The following ANKFN1 variants were observed in gnomAD, a reference collection of about 807,000 sequenced individuals.
ANKFN1 encodes ankyrin repeat and fibronectin type-III domain-containing protein 1.
ANKFN1 carries 74 observed loss-of-function variants against 108.7 expected under a neutral mutation model. That is an observed-to-expected ratio of 0.68 (90% CI 0.56 to 0.83). The LOEUF (loss-of-function observed/expected upper bound fraction) is 0.83. ANKFN1 is among the 40% of genes least tolerant of loss of function. The probability of loss-of-function intolerance (pLI) is 0.00; values close to 1 mark genes in which losing one functional copy is unlikely to be tolerated. For synonymous variants in ANKFN1, 547 were observed against 516.2 expected, an observed-to-expected ratio of 1.06 and a Z score of -0.81; for missense variants, 1,505 against 1,382.3, an observed-to-expected ratio of 1.09 and a Z score of -1.41.
intron 1 of ANKFN1, among the ~76,000 whole-genome samples, chr17:56,177,637 T>C (rs1409841862): frequency 1.3e-5 from 2 of 152,182 alleles, no homozygotes; most frequent in Admixed American, 6.5e-5. Flanking sequence ...AAATAAAAGA[T>C]CAATATAACA....
At chr17:56,373,174 G>A (rs2046856181) in intron 7 of ANKFN1, among the ~76,000 whole-genome samples, 1 of 152,202 alleles carries the variant, frequency 6.6e-6, no homozygotes, top group African/African-American at 2.4e-5. Flanking sequence ...TTTTGGGATA[G>A]GGAGGTGGAA....
intron 4 of ANKFN1, among the ~76,000 whole-genome samples, chr17:56,337,927 C>T (rs1227018480): frequency 6.6e-6 from 1 of 152,078 alleles, no homozygotes; most frequent in Non-Finnish European, 1.5e-5. Flanking sequence ...CTAGAAATAC[C>T]ATTTGACCCA....
intron 3 of ANKFN1, among the ~76,000 whole-genome samples, chr17:56,278,816 A>T (rs2044000137): frequency 6.6e-6 from 1 of 152,266 alleles, no homozygotes; most frequent in Admixed American, 6.5e-5. Context: ...CTGAACAAGT[A>T]CATTAGAATA....
intron 18 of ANKFN1, among the ~76,000 whole-genome samples, chr17:56,488,042 G>T (rs2050910316): frequency 1.3e-5 from 2 of 152,156 alleles, no homozygotes; most frequent in African/African-American, 4.8e-5. Context: ...CACTAAGAGG[G>T]TATGACTTTA....
At chr17:56,053,919 T>C (rs1431928396) in intron 4 of ANKFN1, among the ~76,000 whole-genome samples, 7 of 152,204 alleles carry the variant, frequency 4.6e-5, no homozygotes, top group African/African-American at 1.7e-4. Context: ...AGTTCTATAG[T>C]GGTGAATTCT....
At chr17:56,111,895 G>A (rs909500726) in intron 4 of ANKFN1, among the ~76,000 whole-genome samples, 5 of 152,174 alleles carry the variant, frequency 3.3e-5, no homozygotes, top group South Asian at 2.1e-4. Context: ...CTGTTCCAGC[G>A]GCACAGCCTG....
In ANKFN1 at chr17:56,447,016, A is replaced by G. The variant is rs939862643; in HGVS notation, c.1100-2063A>G. Among the ~76,000 whole-genome samples, 13 of 152,132 alleles carry G rather than the reference A, an allele frequency of 8.5e-5. No individual in the cohort carries two copies. In the South Asian group the frequency reaches 2.3e-3, roughly 27 times the overall value. ...GGCAGGTGGATCACTTGAGGCCAGA[A>G]GTTCGAGACCAGCCTGGCCAGCATG... On this transcript the variant is annotated intron_variant, in intron 10 of 20. Transcript: ENST00000682825.
At chr17:56,411,826 C>G (rs752323536) in intron 8 of ANKFN1, among the ~76,000 whole-genome samples, 3 of 152,096 alleles carry the variant, frequency 2.0e-5, no homozygotes, top group Non-Finnish European at 2.9e-5. Context: ...CTTCATACCC[C>G]TGGAATGAAT....
intron 8 of ANKFN1, among the ~76,000 whole-genome samples, chr17:56,401,487 G>T (rs1217636256): frequency 6.6e-6 from 1 of 151,836 alleles, no homozygotes; most frequent in East Asian, 1.9e-4. Flanking sequence ...TATCTGCTTG[G>T]CTGCTGTTGG....
chr17:56,284,264 G>A (rs958333571), intron 3 of ANKFN1, among the ~76,000 whole-genome samples: 10 of 152,100 alleles, frequency 6.6e-5, no homozygotes, highest in African/African-American at 2.4e-4. Context: ...TGGGAAAATT[G>A]GCTTGTAAAA....
chr17:56,107,300 C>T (rs1905768934), intron 4 of ANKFN1, among the ~76,000 whole-genome samples: 1 of 152,108 alleles, frequency 6.6e-6, no homozygotes, highest in African/African-American at 2.4e-5. Flanking sequence ...AGGAATTCTG[C>T]CCATCTAGCT....
intron 10 of ANKFN1, among the ~76,000 whole-genome samples, chr17:56,446,047 C>A (rs1234916927): frequency 2.0e-5 from 3 of 152,194 alleles, no homozygotes; most frequent in Non-Finnish European, 4.4e-5. Context: ...TCAGAACCTT[C>A]CAAACATCTA....
chr17:56,377,543 A>C (rs2046977679), intron 8 of ANKFN1, among the ~76,000 whole-genome samples: 1 of 152,208 alleles, frequency 6.6e-6, no homozygotes, highest in Non-Finnish European at 1.5e-5. Context: ...GGAGGCTTGC[A>C]TCTTTTAGTC....
At chr17:56,476,919 G>C (rs1471495619) in intron 15 of ANKFN1, among the ~76,000 whole-genome samples, 1 of 152,130 alleles carries the variant, frequency 6.6e-6, no homozygotes, top group African/African-American at 2.4e-5. Flanking sequence ...CGTAATTATA[G>C]CTACAACTTA....
At chr17:56,162,958 C>T (rs1598161926) in intron 1 of ANKFN1, among the ~76,000 whole-genome samples, 1 of 151,694 alleles carries the variant, frequency 6.6e-6, no homozygotes, top group East Asian at 1.9e-4. Flanking sequence ...GAGCTTGAAC[C>T]CTGGAGGCAG....
Position 56,457,989 on chromosome 17 carries a change from C to A in ANKFN1, c.1557+10C>A, listed in dbSNP as rs776587302. On this transcript the variant is annotated intron_variant, in intron 14 of 20. Transcript: ENST00000682825. ...AACAGCACAGCTACAGGTAAGGGAC[C>A]AGGTTTCAACCCAGGCCCCCAAGGA... 6 of 1,608,610 alleles carry A rather than the reference C, an allele frequency of 3.7e-6. No homozygotes were observed. The highest frequency in any genetic ancestry group is 5.1e-6 in the Non-Finnish European group (6 of 1,175,568).
chr17:56,318,075 G>A (rs1233891916), intron 3 of ANKFN1, among the ~76,000 whole-genome samples: 3 of 152,210 alleles, frequency 2.0e-5, no homozygotes, highest in Middle Eastern at 3.4e-3. Flanking sequence ...ATTAGTGATT[G>A]GAATGACACA....
intron 3 of ANKFN1, among the ~76,000 whole-genome samples, chr17:56,307,144 T>C (rs1281599546): frequency 6.6e-6 from 1 of 152,138 alleles, no homozygotes; most frequent in Non-Finnish European, 1.5e-5. Flanking sequence ...ACCTAGGCAA[T>C]ACCATTCAGG....
chr17:56,441,655 C>T (rs1051045894), intron 9 of ANKFN1, among the ~76,000 whole-genome samples: 1 of 152,128 alleles, frequency 6.6e-6, no homozygotes, highest in Non-Finnish European at 1.5e-5. Context: ...ATGGAAAACT[C>T]TCCATAAAGA....
Sources: allele counts gnomAD v4.1 joint callset (sites outside exome capture counted in the v4.1 genomes callset), GRCh38; gene constraint gnomAD v4.1.1; transcripts MANE v1.5; gene names NCBI Gene and HGNC (gene_info 2026-07-23, HGNC 2026-07-21).